PLXNA4: variants seen among roughly 807,000 people sequenced by gnomAD.
PLXNA4 encodes the protein plexin A4.
PLXNA4 carries 44 observed loss-of-function variants against 191.8 expected under a neutral mutation model. The ratio of observed to expected loss-of-function variants is 0.23; its 90% CI spans 0.18 to 0.29. PLXNA4 has a LOEUF of 0.29. PLXNA4 is among the 10% of genes least tolerant of loss of function. The pLI, the probability that PLXNA4 is intolerant of heterozygous loss-of-function variation, is 1.00. For missense variants in PLXNA4, 1,800 were observed against 2,488.8 expected (o/e 0.72, Z 5.89); for synonymous variants, 1,082 against 1,009.5 (o/e 1.07, Z -1.36).
At chr7:132,150,907 G>A (rs1199880338) in intron 25 of PLXNA4, among the ~76,000 whole-genome samples, 1 of 152,186 alleles carries the variant, frequency 6.6e-6, no homozygotes, top group Non-Finnish European at 1.5e-5. Context: ...CAACAACCCT[G>A]GCTGAGTCAT....
intron 1 of PLXNA4, among the ~76,000 whole-genome samples, chr7:132,544,022 C>A (rs1050415228): frequency 6.6e-6 from 1 of 152,046 alleles, no homozygotes; most frequent in Admixed American, 6.6e-5. Flanking sequence ...GGAAAGAAAA[C>A]CAGATGAAGG....
intron 1 of PLXNA4, among the ~76,000 whole-genome samples, chr7:132,515,832 TG>T (rs1419111100): frequency 4.6e-5 from 7 of 152,332 alleles, no homozygotes; most frequent in African/African-American, 1.7e-4. Context: ...TATATATTAG[TG>T]CAGGAACCAG....
intron 8 of PLXNA4, among the ~76,000 whole-genome samples, chr7:132,223,895 C>T (rs1798226717): frequency 6.6e-6 from 1 of 152,150 alleles, no homozygotes; most frequent in Admixed American, 6.5e-5. Context: ...AGCCCTCCTC[C>T]ATCTCCATGG....
intron 4 of PLXNA4, among the ~76,000 whole-genome samples, chr7:132,264,658 C>T (rs1483532910): frequency 6.6e-6 from 1 of 150,518 alleles, no homozygotes; most frequent in African/African-American, 2.4e-5. Flanking sequence ...TCATTTGGCT[C>T]TGGGAAATAC....
Position 132,148,012 on chromosome 7 carries a change from A to G in PLXNA4, c.4765-13T>C, listed in dbSNP as rs539847210. 6 of 1,614,000 alleles carry G rather than the reference A, an allele frequency of 3.7e-6. No homozygotes were observed. In the South Asian group the frequency reaches 5.5e-5, roughly 15 times the overall value. ...AACCATCTGGCACCTACAGGGAAAA[A>G]GCTTCTCAGGGCCTAGGCACAGCAG... On this transcript the variant is annotated splice_polypyrimidine_tract_variant and intron_variant, in intron 26 of 31. Transcript: ENST00000321063.
intron 3 of PLXNA4, among the ~76,000 whole-genome samples, chr7:132,340,011 G>A (rs1387445088): frequency 6.6e-6 from 1 of 152,172 alleles, no homozygotes; most frequent in Non-Finnish European, 1.5e-5. Flanking sequence ...CAGCATCCCT[G>A]CCTAGCTAGC....
chr7:132,399,925 A>G (rs1450733238), intron 3 of PLXNA4, among the ~76,000 whole-genome samples: 5 of 152,020 alleles, frequency 3.3e-5, no homozygotes, highest in Admixed American at 6.6e-5. Flanking sequence ...TAACAATCCA[A>G]TCGAGATCTA....
At chr7:132,373,122 C>G (rs1804512597) in intron 3 of PLXNA4, among the ~76,000 whole-genome samples, 1 of 152,098 alleles carries the variant, frequency 6.6e-6, no homozygotes, top group African/African-American at 2.4e-5. Flanking sequence ...GGCACTAATT[C>G]CAAGCTTTGA....
intron 3 of PLXNA4, among the ~76,000 whole-genome samples, chr7:132,352,932 G>A (rs1231978074): frequency 2.6e-5 from 4 of 151,982 alleles, no homozygotes; most frequent in African/African-American, 7.2e-5. Flanking sequence ...AAATATCTTG[G>A]TACAGAGACA....
chr7:132,580,959 G>C (rs949495150), upstream of PLXNA4, among the ~76,000 whole-genome samples: 7 of 152,198 alleles, frequency 4.6e-5, no homozygotes, highest in African/African-American at 1.7e-4. Context: ...GAGGCAAGAG[G>C]AGCCTTCCGC....
chr7:132,591,524 T>TTTTA (rs1802603175), intron 2 of PLXNA4, among the ~76,000 whole-genome samples: 2 of 152,238 alleles, frequency 1.3e-5, no homozygotes, highest in African/African-American at 4.8e-5. Context: ...TATATACAGT[T>TTTTA]GTGCATATAA....
chr7:132,304,402 T>C (rs1801429962), intron 3 of PLXNA4, among the ~76,000 whole-genome samples: 1 of 152,214 alleles, frequency 6.6e-6, no homozygotes, highest in South Asian at 2.1e-4. Context: ...AATTTTCTAG[T>C]AGTGGCCAAA....
chr7:132,279,890 A>G (rs973958245), intron 4 of PLXNA4, among the ~76,000 whole-genome samples: 5 of 152,210 alleles, frequency 3.3e-5, no homozygotes, highest in African/African-American at 9.6e-5. Context: ...TGAAGTCAAC[A>G]TATTGCCAGT....
intron 4 of PLXNA4, among the ~76,000 whole-genome samples, chr7:132,249,806 T>A (rs969956026): frequency 3.3e-5 from 5 of 152,212 alleles, no homozygotes; most frequent in African/African-American, 1.2e-4. Flanking sequence ...ACACAGGTCC[T>A]GTGTTGAAAA....
At chr7:132,244,851 A>G in intron 4 of PLXNA4, among the ~76,000 whole-genome samples, 1 of 152,202 alleles carries the variant, frequency 6.6e-6, no homozygotes. Flanking sequence ...TAGTCCAACC[A>G]TTTAGCTTAG....
At chr7:132,553,756 G>T (rs940357663) in intron 1 of PLXNA4, among the ~76,000 whole-genome samples, 2 of 152,132 alleles carry the variant, frequency 1.3e-5, no homozygotes. Flanking sequence ...AGTGGAGAGG[G>T]TGCAAACAGC....
chr7:132,311,201 T>TGTGTGTGTGTGTGTGTGTGTGTGC (rs1327681030), intron 3 of PLXNA4, among the ~76,000 whole-genome samples: 6 of 133,424 alleles, frequency 4.5e-5, no homozygotes, highest in African/African-American at 1.6e-4. Context: ...TGTGCGCGTG[T>TGTGTGTGTGTGTGTGTGTGTGTGC]GGCCTAAAGG....
intron 3 of PLXNA4, among the ~76,000 whole-genome samples, chr7:132,426,666 G>C (rs1297890465): frequency 6.6e-6 from 1 of 152,082 alleles, no homozygotes; most frequent in African/African-American, 2.4e-5. Context: ...AGAAATTACA[G>C]ACAGTTTCAA....
chr7:132,564,009 T>C (rs922085594), intron 1 of PLXNA4, among the ~76,000 whole-genome samples: 39 of 28,132 alleles, frequency 1.4e-3, no homozygotes, highest in African/African-American at 2.5e-3. Context: ...TCCTCCTCCT[T>C]CTCCTCCTCC....
Sources: allele counts gnomAD v4.1 joint callset (sites outside exome capture counted in the v4.1 genomes callset), GRCh38; gene constraint gnomAD v4.1.1; transcripts MANE v1.5; gene names NCBI Gene and HGNC (gene_info 2026-07-23, HGNC 2026-07-21).